Variants in KIF13A observed in about 807,000 individuals in gnomAD.
KIF13A encodes kinesin family member 13A.
Under a neutral mutation model 212.2 loss-of-function variants are expected in KIF13A, and 79 were observed. The observed-to-expected ratio is 0.37, with a 90% confidence interval of 0.31 to 0.45. The LOEUF (loss-of-function observed/expected upper bound fraction) is 0.45. Among genes scored for constraint, KIF13A ranks in the 20% least tolerant of loss-of-function variants. KIF13A has a pLI of 1.00. For missense variants in KIF13A, 1,901 were observed against 2,209.0 expected (o/e 0.86, Z 2.79); for synonymous variants, 789 against 808.6 (o/e 0.98, Z 0.41).
chr6:17,863,315 T>C (rs896066101), intron 4 of KIF13A, among the ~76,000 whole-genome samples: 3 of 151,616 alleles, frequency 2.0e-5, no homozygotes, highest in African/African-American at 7.3e-5. Flanking sequence ...AGGAACAGTA[T>C]CATTACTGGG....
intron 18 of KIF13A, among the ~76,000 whole-genome samples, chr6:17,805,879 G>C (rs1028104019): frequency 5.3e-5 from 8 of 150,358 alleles, no homozygotes; most frequent in Non-Finnish European, 8.9e-5. Flanking sequence ...TTTTGATATT[G>C]TGATCATTTT....
Position 17,987,412 on chromosome 6 carries a change from G to A in KIF13A, c.52C>T (p.Arg18Ter). 7.3e-7 allele frequency: 1 copy of A among 1,370,854 alleles called. No individual in the cohort carries two copies. Among genetic ancestry groups the A allele is most frequent in the South Asian group, 1.2e-5 (1 of 81,368 alleles). 84.9% of individuals were successfully genotyped at this position (1,370,854 alleles called of 1,614,324 possible). A position where few individuals can be genotyped will look rare whatever the true frequency, so the allele number is the denominator to read the frequency against. ...VAVRVRPMNR[R>*]ELELNTKCVV... ...AAAAGAGCGGAAAGCTCCTCACCTC[G>A]TCGGTTCATGGGCCGGACCCGGACG... The change falls in exon 1 of 39, where the codon CGA becomes TGA. Residue 18 changes from arginine to a stop codon, truncating the protein, a stop_gained. Coordinates refer to ENST00000259711, the MANE Select transcript of KIF13A (RefSeq NM_022113.6). LOFTEE classifies it high-confidence loss of function. This position sits in a 1 kb window ranked among gnomAD's most constrained non-coding sequence, Gnocchi z 7.7.
At chr6:17,827,975 C>A (rs543722751) in intron 14 of KIF13A, among the ~76,000 whole-genome samples, 1 of 152,310 alleles carries the variant, frequency 6.6e-6, no homozygotes, top group East Asian at 1.9e-4. Flanking sequence ...ATAAGTTACT[C>A]TTTTCACTTA....
intron 3 of KIF13A, chr6:17,881,723 A>C: frequency 6.0e-6 from 2 of 333,142 alleles, no homozygotes; most frequent in Non-Finnish European, 1.2e-5. Context: ...ATGGCCAGGC[A>C]CAGGGCTCAC....
In KIF13A at chr6:17,773,713, T is replaced by C. The variant is rs1418045042; in HGVS notation, c.4219-130A>G. On this transcript the variant is annotated intron_variant, in intron 35 of 38. Coordinates refer to ENST00000259711, the MANE Select transcript of KIF13A (RefSeq NM_022113.6). This position sits in a 1 kb window ranked among gnomAD's most constrained non-coding sequence, Gnocchi z 4.2. ...CTTCTTTATTTTTATTATGATTTAT[T>C]TCAAATATACAGAAAGGGCTGAATA... 7 of 502,168 alleles carry C rather than the reference T, an allele frequency of 1.4e-5. No individual in the cohort carries two copies. Among genetic ancestry groups the C allele is most frequent in the African/African-American group, 5.8e-5 (3 of 52,156 alleles). The allele number at this position is 502,168 out of a possible 1,614,324, so 31.1% of individuals were successfully genotyped here. A position where few individuals can be genotyped will look rare whatever the true frequency, so the allele number is the denominator to read the frequency against.
intron 3 of KIF13A, among the ~76,000 whole-genome samples, chr6:17,887,446 A>C (rs1448667386): frequency 6.6e-6 from 1 of 152,184 alleles, no homozygotes; most frequent in Non-Finnish European, 1.5e-5. Flanking sequence ...CTTATCAATT[A>C]TCTTCTATCT....
At chr6:17,779,871 G>A (rs1310961998) in intron 31 of KIF13A, among the ~76,000 whole-genome samples, 187 bp from the exon 32 acceptor site, 1 of 151,462 alleles carries the variant, frequency 6.6e-6, no homozygotes, top group East Asian at 1.9e-4. Flanking sequence ...CTCCCGAGTA[G>A]CTGGGACTAC....
chr6:17,977,114 CAAAAAAA>C (rs398000718), intron 2 of KIF13A, among the ~76,000 whole-genome samples: 9 of 106,698 alleles, frequency 8.4e-5, no homozygotes, highest in East Asian at 2.8e-4. Flanking sequence ...AAAACAACAA[CAAAAAAA>C]AAAAAAAAAA....
rs1774415549 is a variant in KIF13A, at chr6:17,915,500, T to C, written c.147-17320A>G. ...TCTCCATCTTCCATAGAAGCAGCTGTCATTGCTGATGCCAGATGCTTGCAG... is the reference window on the plus strand; with the variant it reads ...TCTCCATCTTCCATAGAAGCAGCTGCCATTGCTGATGCCAGATGCTTGCAG... On this transcript the variant is annotated intron_variant, in intron 2 of 38. Transcript: ENST00000259711. This position sits in a 1 kb window ranked among gnomAD's most constrained non-coding sequence, Gnocchi z 4.4. Among the ~76,000 whole-genome samples, 3 of 152,288 alleles carry C rather than the reference T, an allele frequency of 2.0e-5. No individual in the cohort carries two copies. In the South Asian group the frequency reaches 6.2e-4, roughly 32 times the overall value.
At position 17,763,880 on chromosome 6, in the gene KIF13A, C is replaced by T; in HGVS notation, c.*230G>A. 2 of 1,398,684 alleles carry T rather than the reference C, an allele frequency of 1.4e-6. No homozygotes were observed. Among genetic ancestry groups the T allele is most frequent in the Non-Finnish European group, 1.9e-6 (2 of 1,079,116 alleles). 86.6% of individuals were successfully genotyped at this position (1,398,684 alleles called of 1,614,324 possible). On this transcript the variant is annotated 3_prime_UTR_variant, in exon 39 of 39. Coordinates refer to ENST00000259711, the MANE Select transcript of KIF13A (RefSeq NM_022113.6). ...AGATTGATCCTTATCCATCTGAACA[C>T]TTCATTCAACACCAACCCATGTGCC...
intron 4 of KIF13A, among the ~76,000 whole-genome samples, chr6:17,863,715 A>T (rs903870998): frequency 3.9e-5 from 6 of 152,224 alleles, no homozygotes; most frequent in Non-Finnish European, 7.3e-5. Context: ...TCTGCAATAG[A>T]AAATATGAAA....
intron 4 of KIF13A, among the ~76,000 whole-genome samples, chr6:17,868,464 T>C (rs1769634973): frequency 6.6e-6 from 1 of 152,152 alleles, no homozygotes; most frequent in Non-Finnish European, 1.5e-5. Context: ...TCTGTGTACA[T>C]CTGCATGTAT....
intron 2 of KIF13A, among the ~76,000 whole-genome samples, chr6:17,913,478 C>A (rs1173185519): frequency 1.3e-5 from 2 of 152,118 alleles, no homozygotes; most frequent in East Asian, 1.9e-4. Flanking sequence ...CCAAAAAGTG[C>A]AAAATGGAAG....
Position 17,808,905 on chromosome 6 carries a change from C to T in KIF13A, c.2026G>A (p.Ala676Thr). Reference protein sequence around the residue: ...ERDELFRQSLAKLREQLVKAN... With the variant: ...ERDELFRQSLTKLREQLVKAN... The stretch of plus-strand genomic sequence containing the variant: ...TTAACCAGCTGCTCTCGCAGTTTTG[C>T]CAGGCTTTGTCGGAAGAGTTCATCC... Residue 676 changes from alanine (A) to threonine (T), a missense_variant, in exon 18 of 39, where the codon GCA becomes ACA. Ala to Thr is a moderately conservative substitution (Grantham distance 58). This residue lies in a region of KIF13A where 534 missense variants were observed against 536.9 expected (regional missense o/e 0.99). Transcript: ENST00000259711. The T allele has an allele frequency of 6.2e-7, 1 of 1,612,470 alleles. No individual in the cohort carries two copies. The highest frequency in any genetic ancestry group is 8.5e-7 in the Non-Finnish European group (1 of 1,179,232).
intron 2 of KIF13A, among the ~76,000 whole-genome samples, chr6:17,978,380 G>A (rs1387518056): frequency 6.6e-6 from 1 of 152,100 alleles, no homozygotes; most frequent in Admixed American, 6.6e-5. Context: ...TTTGTAGAGT[G>A]GTCTTTTTTG....
At chr6:17,943,400 A>ATT (rs11311833) in intron 2 of KIF13A, among the ~76,000 whole-genome samples, 74 of 132,302 alleles carry the variant, frequency 5.6e-4, no homozygotes, top group African/African-American at 1.6e-3. Flanking sequence ...TAAAACACAG[A>ATT]TTTTTTTTTT....
chr6:17,938,819 A>AT lies in KIF13A; in HGVS notation c.147-40640dup, dbSNP rs5874617. ...TTAAAATTTCACTGCCTTAGAGTGA[A>AT]TTTTTTTTTTTTTTTTTTTACCCAG... On this transcript the variant is annotated intron_variant, in intron 2 of 38. Coordinates refer to ENST00000259711, the MANE Select transcript of KIF13A (RefSeq NM_022113.6). Among the ~76,000 whole-genome samples the AT allele has an allele frequency of 8.6e-3, 1,202 of 139,848 alleles. 5 individuals are homozygous for AT. Among genetic ancestry groups the AT allele is most frequent in the African/African-American group, 0.018 (699 of 37,864 alleles). 91.7% of individuals were successfully genotyped at this position (139,848 alleles called of 152,430 possible).
chr6:17,881,766 C>T, intron 3 of KIF13A: 2 of 334,874 alleles, frequency 6.0e-6, no homozygotes, highest in South Asian at 4.7e-5. Flanking sequence ...GAGGTGGAGG[C>T]AGGCGGATTA....
chr6:17,761,140 G>GT (rs1384019130), downstream of KIF13A, among the ~76,000 whole-genome samples: 1 of 152,216 alleles, frequency 6.6e-6, no homozygotes, highest in African/African-American at 2.4e-5. Context: ...TGCAGTCTAA[G>GT]TCATTTCAGG....
Sources: gnomAD v4.1 joint callset for allele counts (sites outside exome capture counted in the v4.1 genomes callset) on GRCh38, gnomAD v4.1.1 for gene constraint, gnomAD v4.1.1 regional missense constraint, Gnocchi (gnomAD v3.1) non-coding constraint, MANE v1.5 for transcripts, NCBI Gene and HGNC (gene_info 2026-07-23, HGNC 2026-07-21) for gene names.